RNF150: variants seen among roughly 807,000 people sequenced by gnomAD.
RNF150 encodes ring finger protein 150.
RNF150 carries 24 observed loss-of-function variants against 39.3 expected under a neutral mutation model. The observed-to-expected ratio is 0.61, with a 90% CI of 0.44 to 0.86. RNF150 has a LOEUF of 0.86. Among genes scored for constraint, RNF150 ranks in the 40% least tolerant of loss-of-function variants. The pLI, the probability that RNF150 is intolerant of heterozygous loss-of-function variation, is 0.00. For missense variants in RNF150, 502 were observed against 587.8 expected (o/e 0.85, Z 1.51); for synonymous variants, 255 against 227.3 (o/e 1.12, Z -1.10).
chr4:140,882,240 C>T (rs58123692), intron 6 of RNF150, among the ~76,000 whole-genome samples: 1,598 of 152,240 alleles, frequency 0.01, 33 homozygotes, highest in African/African-American at 0.036. Context: ...AGGATGGTCT[C>T]GATCTGCTGA....
chr4:140,941,254 A>G (rs1732071888), intron 4 of RNF150, among the ~76,000 whole-genome samples: 1 of 152,156 alleles, frequency 6.6e-6, no homozygotes, highest in Non-Finnish European at 1.5e-5. Context: ...AAATACAGTT[A>G]TTCCCACACA....
intron 4 of RNF150, among the ~76,000 whole-genome samples, chr4:140,926,437 T>C (rs1731402740): frequency 6.6e-6 from 1 of 152,186 alleles, no homozygotes; most frequent in Non-Finnish European, 1.5e-5. Context: ...GATACTACTT[T>C]AAAAAATATG....
At position 140,964,136 on chromosome 4, in the gene RNF150, C is replaced by T. The variant is rs941141065; in HGVS notation, c.735+3487G>A. ...TTTGAAAGCAGTAAGTTATCCCTGA[C>T]TGTAAGCATTATTAATATAGTTCTG... On this transcript the variant is annotated intron_variant, in intron 2 of 6. Transcript: ENST00000515673. Among the ~76,000 whole-genome samples, 19 of 152,100 alleles carry T rather than the reference C, an allele frequency of 1.2e-4. 1 individual carries two copies. The highest frequency in any genetic ancestry group is 2.9e-4 in the African/African-American group (12 of 41,448).
intron 5 of RNF150, among the ~76,000 whole-genome samples, chr4:140,916,178 G>C (rs1578960799): frequency 6.6e-6 from 1 of 152,306 alleles, no homozygotes; most frequent in Non-Finnish European, 1.5e-5. Context: ...ACCAGCAATG[G>C]AACAAAGCTG....
intron 6 of RNF150, among the ~76,000 whole-genome samples, chr4:140,903,959 G>A (rs1183500259): frequency 6.6e-6 from 1 of 152,232 alleles, no homozygotes; most frequent in African/African-American, 2.4e-5. Flanking sequence ...GGAAAGCCCT[G>A]GCAGTCTCGC....
chr4:141,099,949 G>A (rs1483411254), intron 1 of RNF150, among the ~76,000 whole-genome samples: 2 of 152,160 alleles, frequency 1.3e-5, no homozygotes, highest in Admixed American at 1.3e-4. Flanking sequence ...TTTGGAGTGT[G>A]TGTGTACCTG....
At chr4:141,134,975 C>A (rs1727006529), upstream of RNF150, among the ~76,000 whole-genome samples, 1 of 152,194 alleles carries the variant, frequency 6.6e-6, no homozygotes, top group East Asian at 1.9e-4. Flanking sequence ...GTGTGACTAT[C>A]CCTTACCCCT....
At chr4:140,932,844 T>C (rs766270265) in intron 4 of RNF150, among the ~76,000 whole-genome samples, 5 of 152,238 alleles carry the variant, frequency 3.3e-5, no homozygotes, top group Non-Finnish European at 7.3e-5. Context: ...GGCATTTAAT[T>C]GCTGACCTAT....
chr4:140,938,300 T>A (rs1248559596), intron 4 of RNF150, among the ~76,000 whole-genome samples: 3 of 152,120 alleles, frequency 2.0e-5, no homozygotes, highest in Non-Finnish European at 4.4e-5. Context: ...TTTTTTTACA[T>A]AATTCTTCCT....
rs554179829 is a variant in RNF150 at position 141,196,246 on chromosome 4, C to T, written c.-6+16548G>A. Among the ~76,000 whole-genome samples, 7 of 152,300 alleles carry T rather than the reference C, an allele frequency of 4.6e-5. 1 individual carries two copies. The South Asian group carries it at 1.5e-3, about 32-fold the overall frequency. ...CTTCTGTTAAAAAAACCCTGATCCCCTTAAGGGGATTTCTGTCTCCTCCAT... is the reference window on the plus strand; with the variant it reads ...CTTCTGTTAAAAAAACCCTGATCCCTTTAAGGGGATTTCTGTCTCCTCCAT... On this transcript the variant is annotated intron_variant, in intron 1 of 7. Transcript: ENST00000420921.
intron 1 of RNF150, among the ~76,000 whole-genome samples, chr4:141,111,512 C>A (rs993313682): frequency 6.6e-6 from 1 of 152,030 alleles, no homozygotes; most frequent in South Asian, 2.1e-4. Flanking sequence ...TTACTTGCAA[C>A]TGGGGAGATC....
intron 1 of RNF150, among the ~76,000 whole-genome samples, chr4:141,080,405 C>G (rs546854190): frequency 6.6e-6 from 1 of 152,354 alleles, no homozygotes; most frequent in East Asian, 1.9e-4. Flanking sequence ...GTCACTGTGT[C>G]TTCCTCACCC....
chr4:140,945,995 G>A (rs1732294632), intron 4 of RNF150, among the ~76,000 whole-genome samples: 1 of 152,146 alleles, frequency 6.6e-6, no homozygotes, highest in Admixed American at 6.5e-5. Context: ...GCATTTGTCT[G>A]CCTGTGTTTC....
chr4:141,170,239 A>G (rs999630092), intron 1 of RNF150, among the ~76,000 whole-genome samples: 7 of 152,234 alleles, frequency 4.6e-5, no homozygotes, highest in African/African-American at 7.2e-5. Context: ...CAGATGATAT[A>G]CAACATATTG....
chr4:141,030,961 CT>C (rs1257639210), intron 1 of RNF150, among the ~76,000 whole-genome samples: 1 of 151,916 alleles, frequency 6.6e-6, no homozygotes, highest in East Asian at 1.9e-4. Context: ...ATGTTATATG[CT>C]TTTTGAGCGC....
At chr4:141,160,029 A>C in intron 1 of RNF150, among the ~76,000 whole-genome samples, 1 of 152,154 alleles carries the variant, frequency 6.6e-6, no homozygotes, top group East Asian at 1.9e-4. Flanking sequence ...GCTCTGCCCC[A>C]GGTCATCAGC....
intron 2 of RNF150, among the ~76,000 whole-genome samples, chr4:140,964,575 T>C (rs189778859): frequency 1.1e-4 from 17 of 152,006 alleles, no homozygotes; most frequent in Non-Finnish European, 2.4e-4. Context: ...TGAAGAAAAG[T>C]GTACAAGATT....
intron 1 of RNF150, among the ~76,000 whole-genome samples, chr4:141,011,862 C>T (rs900876205): frequency 3.9e-5 from 6 of 152,294 alleles, no homozygotes; most frequent in African/African-American, 1.4e-4. Flanking sequence ...ATATATAAAA[C>T]CAAACTTCAG....
At chr4:140,899,972 C>CTG (rs1208364964) in intron 6 of RNF150, among the ~76,000 whole-genome samples, 4 of 69,806 alleles carry the variant, frequency 5.7e-5, no homozygotes, top group African/African-American at 1.8e-4. Flanking sequence ...CTCTCTCTCT[C>CTG]TCTGTGTGTG....
Sources: gnomAD v4.1 joint callset for allele counts (sites outside exome capture counted in the v4.1 genomes callset) on GRCh38, gnomAD v4.1.1 for gene constraint, MANE v1.5 for transcripts, NCBI Gene and HGNC (gene_info 2026-07-23, HGNC 2026-07-21) for gene names.